NCALD: variants seen among roughly 807,000 people sequenced by gnomAD.
NCALD encodes neurocalcin-delta.
NCALD carries 10 observed loss-of-function variants against 18.6 expected under a neutral mutation model. The observed-to-expected ratio is 0.54, with a 90% confidence interval of 0.33 to 0.91. The LOEUF is 0.91. Among genes scored for constraint, NCALD ranks in the 40% least tolerant of loss-of-function variants. The pLI is 0.03. For missense variants in NCALD, 184 were observed against 247.6 expected, an observed-to-expected ratio of 0.74 and a Z score of 1.72; for synonymous variants, 88 against 87.4, an observed-to-expected ratio of 1.01 and a Z score of -0.04.
intron 1 of NCALD, among the ~76,000 whole-genome samples, chr8:102,051,068 A>C (rs1478818885): frequency 1.3e-5 from 2 of 152,006 alleles, no homozygotes; most frequent in Non-Finnish European, 2.9e-5. Context: ...TTTGGAAGAA[A>C]TGTCCAAAGC....
At chr8:101,746,904 G>T (rs565175766) in intron 1 of NCALD, among the ~76,000 whole-genome samples, 18 of 152,088 alleles carry the variant, frequency 1.2e-4, no homozygotes, top group Non-Finnish European at 1.8e-4. Flanking sequence ...CTACCCTGAT[G>T]GAATTACAAC....
At chr8:102,101,149 G>T (rs2132413261) in intron 1 of NCALD, among the ~76,000 whole-genome samples, 1 of 152,346 alleles carries the variant, frequency 6.6e-6, no homozygotes, top group Non-Finnish European at 1.5e-5. Context: ...AGCCAGTCAG[G>T]ATGTGTGACA....
chr8:102,007,769 T>C (rs1225314997), intron 2 of NCALD, among the ~76,000 whole-genome samples: 1 of 152,216 alleles, frequency 6.6e-6, no homozygotes, highest in African/African-American at 2.4e-5. Flanking sequence ...TTAAGGTTTT[T>C]TGCAGTGCAT....
At chr8:101,931,947 C>T (rs1000703325) in intron 2 of NCALD, among the ~76,000 whole-genome samples, 2 of 152,148 alleles carry the variant, frequency 1.3e-5, no homozygotes, top group African/African-American at 4.8e-5. Flanking sequence ...AGCCCAGGCC[C>T]TTAGGAGCAC....
In NCALD at chr8:101,748,119, A is replaced by G. The variant is rs182616816; in HGVS notation, c.-19-28471T>C. Among the ~76,000 whole-genome samples, 465 of 152,256 alleles carry G rather than the reference A, an allele frequency of 3.1e-3. 3 individuals carry two copies. Among genetic ancestry groups the G allele is most frequent in the African/African-American group, 0.01 (429 of 41,554 alleles). On this transcript the variant is annotated intron_variant, in intron 1 of 3. Coordinates refer to ENST00000220931, the MANE Select transcript of NCALD (RefSeq NM_032041.3). ...CCTTCCTCCTCTAATGAAATGAGAC[A>G]TTTTCCTTTCAGAAAATATCCCAAA...
rs563390923 is a variant in NCALD, at chr8:101,771,258, G to T, written c.-20+19604C>A. 2.6e-4 allele frequency among the ~76,000 whole-genome samples: 40 copies of T among 152,334 alleles called. No homozygotes were observed. The South Asian group carries it at 8.1e-3, about 31-fold the overall frequency. On this transcript the variant is annotated intron_variant, in intron 1 of 3. Coordinates refer to ENST00000220931, the MANE Select transcript of NCALD (RefSeq NM_032041.3). The stretch of plus-strand genomic sequence containing the variant: ...GCCTTGGCAGGGACCACTCCAGCTA[G>T]CATCATGGTACCTCCAGATCAGCAA...
intron 2 of NCALD, among the ~76,000 whole-genome samples, chr8:101,969,107 A>T (rs74336192): frequency 6.6e-6 from 1 of 152,212 alleles, no homozygotes; most frequent in Admixed American, 6.5e-5. Flanking sequence ...CCCAGGGCTG[A>T]GCCGAGCACA....
chr8:102,074,519 G>C (rs536465293), intron 1 of NCALD, among the ~76,000 whole-genome samples: 1 of 152,266 alleles, frequency 6.6e-6, no homozygotes, highest in East Asian at 1.9e-4. Flanking sequence ...CTAGCTTCCT[G>C]TTGGCCATAT....
chr8:102,021,494 A>T (rs2132103258), intron 1 of NCALD, among the ~76,000 whole-genome samples: 1 of 152,354 alleles, frequency 6.6e-6, no homozygotes, highest in African/African-American at 2.4e-5. Context: ...ATGCCCATAA[A>T]AAAGGAAAAT....
intron 2 of NCALD, among the ~76,000 whole-genome samples, chr8:101,943,333 T>C (rs1308555781): frequency 2.0e-5 from 3 of 152,188 alleles, no homozygotes; most frequent in African/African-American, 7.2e-5. Flanking sequence ...TAGCATAATC[T>C]AAAATGCCAG....
At chr8:102,001,765 C>A (rs909644359) in intron 2 of NCALD, among the ~76,000 whole-genome samples, 7 of 152,174 alleles carry the variant, frequency 4.6e-5, no homozygotes, top group Non-Finnish European at 8.8e-5. Flanking sequence ...AATTTCATAT[C>A]CAGCCAAACT....
At chr8:102,101,104 T>G (rs1301453223) in intron 1 of NCALD, among the ~76,000 whole-genome samples, 1 of 152,172 alleles carries the variant, frequency 6.6e-6, no homozygotes, top group Admixed American at 6.5e-5. Flanking sequence ...CCCTCAAAAA[T>G]GCTTAAAGGA....
intron 4 of NCALD, among the ~76,000 whole-genome samples, chr8:101,824,056 T>C (rs1813831297): frequency 6.6e-6 from 1 of 152,254 alleles, no homozygotes; most frequent in African/African-American, 2.4e-5. Context: ...GTGAAACTTC[T>C]ATATCCAGTC....
chr8:101,806,409 A>G (rs1054753900), intron 4 of NCALD, among the ~76,000 whole-genome samples: 3 of 152,186 alleles, frequency 2.0e-5, no homozygotes, highest in African/African-American at 4.8e-5. Flanking sequence ...CAAAGCAGCT[A>G]TTATAAATAT....
chr8:102,046,081 C>T (rs964949147), intron 1 of NCALD, among the ~76,000 whole-genome samples: 2 of 152,188 alleles, frequency 1.3e-5, no homozygotes, highest in African/African-American at 2.4e-5. Flanking sequence ...TTTTTCAGAT[C>T]ACAGTTAATG....
intron 2 of NCALD, among the ~76,000 whole-genome samples, chr8:102,014,734 C>T (rs1394214541): frequency 6.6e-6 from 1 of 152,072 alleles, no homozygotes; most frequent in Non-Finnish European, 1.5e-5. Flanking sequence ...AGTAGAGTTA[C>T]CTTCACAATA....
chr8:102,085,325 C>T (rs1824700672), intron 1 of NCALD, among the ~76,000 whole-genome samples: 1 of 152,236 alleles, frequency 6.6e-6, no homozygotes, highest in Non-Finnish European at 1.5e-5. Context: ...ATTTGTCCCA[C>T]ATCTGGGAGT....
At chr8:102,005,776 G>T (rs1279688103) in intron 2 of NCALD, among the ~76,000 whole-genome samples, 3 of 147,526 alleles carry the variant, frequency 2.0e-5, no homozygotes, top group Non-Finnish European at 3.0e-5. Context: ...CTATCGCAAG[G>T]ACAAAAAAAC....
At chr8:101,917,245 T>C (rs1818002576) in intron 2 of NCALD, among the ~76,000 whole-genome samples, 1 of 152,092 alleles carries the variant, frequency 6.6e-6, no homozygotes, top group Non-Finnish European at 1.5e-5. Flanking sequence ...CTGAGTGGCT[T>C]TCAGTAAACA....
Sources: allele counts gnomAD v4.1 joint callset (sites outside exome capture counted in the v4.1 genomes callset), GRCh38; gene constraint gnomAD v4.1.1; transcripts MANE v1.5; gene names NCBI Gene and HGNC (gene_info 2026-07-23, HGNC 2026-07-21).